Variants in SANBR observed in about 807,000 individuals in gnomAD.
SANBR encodes the protein SANT and BTB domain regulator of CSR.
SANBR carries 77 observed loss-of-function variants against 101.8 expected under a neutral mutation model. The ratio of observed to expected loss-of-function variants is 0.76; its 90% CI spans 0.63 to 0.91. The LOEUF is 0.91. Ranked by LOEUF, SANBR falls within the 40% of genes least tolerant of loss-of-function variation. The pLI is 0.00. For missense variants in SANBR, 875 were observed against 853.0 expected (o/e 1.03, Z -0.32); for synonymous variants, 279 against 274.7 (o/e 1.02, Z -0.15).
chr2:61,087,454 G>C (rs939247535), intron 8 of SANBR, among the ~76,000 whole-genome samples: 8 of 151,788 alleles, frequency 5.3e-5, no homozygotes, highest in Admixed American at 1.3e-4. Context: ...AGCTACTTGG[G>C]AGGCTGATGT....
At chr2:61,130,063 G>GTATGA (rs1359125274) in intron 20 of SANBR, among the ~76,000 whole-genome samples, 3 of 152,032 alleles carry the variant, frequency 2.0e-5, no homozygotes, top group African/African-American at 7.2e-5. Context: ...ATGTTAAGAT[G>GTATGA]TATGTATGGT....
At chr2:61,074,752 A>C (rs1309263346) in intron 5 of SANBR, among the ~76,000 whole-genome samples, 1 of 152,140 alleles carries the variant, frequency 6.6e-6, no homozygotes, top group East Asian at 1.9e-4. Context: ...TGACACAAAA[A>C]TTTGCCAAAA....
intron 8 of SANBR, among the ~76,000 whole-genome samples, chr2:61,083,698 T>C (rs2104879133): frequency 6.6e-6 from 1 of 152,088 alleles, no homozygotes; most frequent in South Asian, 2.1e-4. Context: ...TGAAACCCCG[T>C]CTCTACTAAA....
intron 2 of SANBR, among the ~76,000 whole-genome samples, chr2:61,069,906 T>C (rs921327679): frequency 1.3e-5 from 2 of 152,210 alleles, no homozygotes; most frequent in African/African-American, 4.8e-5. Context: ...TTCAATCTGC[T>C]GTCTTAGCCC....
At chr2:61,080,714 C>T (rs1210673084) in intron 6 of SANBR, among the ~76,000 whole-genome samples, 3 of 149,310 alleles carry the variant, frequency 2.0e-5, no homozygotes, top group Non-Finnish European at 3.0e-5. Context: ...AGTGAGACTC[C>T]ATCTCAAAAA....
At chr2:61,126,798 A>G (rs914814507), downstream of SANBR, among the ~76,000 whole-genome samples, 11 of 149,350 alleles carry the variant, frequency 7.4e-5, no homozygotes, top group Admixed American at 1.3e-4. Context: ...AAAAATTCCA[A>G]CCTACACTAG....
At position 61,113,490 on chromosome 2, in the gene SANBR, C is replaced by T. The variant is rs943649858; in HGVS notation, c.1745-2489C>T. Among the ~76,000 whole-genome samples, 6 of 152,232 alleles carry T rather than the reference C, an allele frequency of 3.9e-5. No homozygotes were observed. The South Asian group carries it at 1.2e-3, about 32-fold the overall frequency. On this transcript the variant is annotated intron_variant, in intron 16 of 21. Transcript: ENST00000402291. ...ATATCTCTCCATTTATATAGGACTT[C>T]TTTAATGTCTCTCAACAATGTTTTG...
downstream of SANBR, among the ~76,000 whole-genome samples, chr2:61,125,511 A>T (rs1248770153): frequency 2.0e-5 from 3 of 152,256 alleles, no homozygotes; most frequent in Non-Finnish European, 4.4e-5. Context: ...GATACGTGGT[A>T]GGGAACTATG....
At chr2:61,104,144 C>A in intron 13 of SANBR, 146 bp downstream of exon 13, 1 of 691,014 alleles carries the variant, frequency 1.4e-6, no homozygotes, top group Non-Finnish European at 2.4e-6. Flanking sequence ...TGTTAGCTTA[C>A]AGTAAGAGCA....
intron 20 of SANBR, among the ~76,000 whole-genome samples, chr2:61,130,332 A>AG (rs1684648468): frequency 6.6e-6 from 1 of 152,214 alleles, no homozygotes; most frequent in South Asian, 2.1e-4. Context: ...TATTAGAAGG[A>AG]CACAAACTAC....
At chr2:61,130,237 C>A (rs1265938364) in intron 20 of SANBR, among the ~76,000 whole-genome samples, 2 of 151,994 alleles carry the variant, frequency 1.3e-5, no homozygotes, top group Admixed American at 6.6e-5. Context: ...TTGCTCCAGG[C>A]AACAACTGGG....
chr2:61,085,842 A>G (rs2104885130), intron 8 of SANBR, among the ~76,000 whole-genome samples: 1 of 152,148 alleles, frequency 6.6e-6, no homozygotes, highest in Middle Eastern at 3.4e-3. Flanking sequence ...TAGCTTTATA[A>G]TCATTTTTGG....
intron 20 of SANBR, among the ~76,000 whole-genome samples, chr2:61,130,967 A>G (rs1182018162): frequency 1.4e-5 from 2 of 144,380 alleles, no homozygotes; most frequent in African/African-American, 2.6e-5. Context: ...AAGTCTCACA[A>G]TCATCTCAAT....
At position 61,123,245 on chromosome 2, in the gene SANBR, T is replaced by A. The variant is rs1553437937; in HGVS notation, c.*1083T>A. 3 of 975,446 alleles carry A rather than the reference T, an allele frequency of 3.1e-6. No individual in the cohort carries two copies. Among genetic ancestry groups the A allele is most frequent in the Non-Finnish European group, 2.4e-6 (2 of 820,712 alleles). 60.4% of individuals were successfully genotyped at this position (975,446 alleles called of 1,614,324 possible). ...ACTTTAAGATGCACTGTTTCTATTT[T>A]TTTAAGTCTTAATTTGCCTTATAAC... On this transcript the variant is annotated 3_prime_UTR_variant, in exon 22 of 22. Coordinates refer to ENST00000402291, the MANE Select transcript of SANBR (RefSeq NM_001129993.3).
intron 10 of SANBR, 62 bp downstream of exon 10, chr2:61,088,530 T>C: frequency 9.1e-7 from 1 of 1,102,394 alleles, no homozygotes; most frequent in Non-Finnish European, 1.3e-6. Context: ...GTTGTTGTTG[T>C]TGTTTTGGAG....
At chr2:61,093,888 G>T (rs1414875335) in intron 11 of SANBR, among the ~76,000 whole-genome samples, 1 of 152,140 alleles carries the variant, frequency 6.6e-6, no homozygotes, top group African/African-American at 2.4e-5. Flanking sequence ...AAACCCTTTT[G>T]TGGAATAAAT....
intron 6 of SANBR, among the ~76,000 whole-genome samples, chr2:61,080,270 A>C (rs1183608279): frequency 6.6e-6 from 1 of 151,858 alleles, no homozygotes; most frequent in East Asian, 1.9e-4. Flanking sequence ...TTATAAATGT[A>C]AACATTTACC....
downstream of SANBR, among the ~76,000 whole-genome samples, chr2:61,125,754 C>T (rs762102526): frequency 4.6e-5 from 7 of 152,172 alleles, no homozygotes; most frequent in Admixed American, 6.6e-5. Flanking sequence ...AGATCATGCT[C>T]CTGATACATT....
At chr2:61,066,159 C>T (rs1282657637) in intron 1 of SANBR, 132 bp downstream of exon 1, 1 of 152,814 alleles carries the variant, frequency 6.5e-6, no homozygotes, top group Non-Finnish European at 1.5e-5. Context: ...TGCCCAAACG[C>T]CCCCGAACGC....
Sources: allele counts gnomAD v4.1 joint callset (sites outside exome capture counted in the v4.1 genomes callset), GRCh38; gene constraint gnomAD v4.1.1; transcripts MANE v1.5; gene names NCBI Gene and HGNC (gene_info 2026-07-23, HGNC 2026-07-21).